The following FRYL variants were observed in gnomAD, a reference collection of about 807,000 sequenced individuals.
The protein encoded by FRYL is protein furry homolog-like.
FRYL carries 150 observed loss-of-function variants against 351.2 expected under a neutral mutation model. The ratio of observed to expected loss-of-function variants is 0.43; its 90% CI spans 0.37 to 0.49. The LOEUF (loss-of-function observed/expected upper bound fraction) is 0.49, where lower values mean the gene tolerates loss of function less well. Ranked by LOEUF, FRYL falls within the 20% of genes least tolerant of loss-of-function variation. The pLI is 0.00. For missense variants in FRYL, 3,036 were observed against 3,619.3 expected (o/e 0.84, Z 4.13); for synonymous variants, 1,153 against 1,257.1 (o/e 0.92, Z 1.75).
At chr4:48,771,175 G>GT (rs1388667333) in intron 1 of FRYL, among the ~76,000 whole-genome samples, 1 of 152,040 alleles carries the variant, frequency 6.6e-6, no homozygotes, top group Non-Finnish European at 1.5e-5. Flanking sequence ...ATGACAAACT[G>GT]TAACTAGTAT....
intron 47 of FRYL, among the ~76,000 whole-genome samples, chr4:48,537,723 G>A (rs1729200662): frequency 6.6e-6 from 1 of 152,100 alleles, no homozygotes. Flanking sequence ...AAGATATTTG[G>A]GAATTTCCAT....
chr4:48,774,712 A>AT (rs983683516), intron 1 of FRYL, among the ~76,000 whole-genome samples: 14 of 151,784 alleles, frequency 9.2e-5, no homozygotes, highest in Non-Finnish European at 1.6e-4. Context: ...CACCCGGCTA[A>AT]TTTTTTTGTA....
chr4:48,540,897 T>C lies in FRYL; in HGVS notation c.5751A>G (p.Gln1917=), dbSNP rs1392559292. 12 of 1,613,542 alleles carry C rather than the reference T, an allele frequency of 7.4e-6. No individual in the cohort carries two copies. The highest frequency in any genetic ancestry group is 3.3e-4 in the Middle Eastern group (2 of 6,044). The change falls in exon 46 of 64, where the codon CAA becomes CAG. Residue 1917 remains glutamine, a synonymous_variant. Transcript: ENST00000358350. Reference sequence around the variant, plus strand: ...TAATGGGACTTGTGCTTAGATTGAGTTGTCCAGTGCTTTTCCTGTTAGCTG... The same window carrying C: ...TAATGGGACTTGTGCTTAGATTGAGCTGTCCAGTGCTTTTCCTGTTAGCTG... The part of the protein sequence containing the change: ...KYAANRKSTG[Q]LNLSTSPINS...
Position 48,603,309 on chromosome 4 carries a change from G to T in FRYL, c.914C>A (p.Ser305Ter). Residue 305 changes from serine (S) to a stop codon, truncating the protein, a stop_gained, in exon 12 of 64, where the codon TCG (serine) becomes TAG (stop). Coordinates refer to ENST00000358350, the MANE Select transcript of FRYL (RefSeq NM_015030.2). LOFTEE classifies it high-confidence loss of function. Reference sequence around the variant, plus strand: ...TAATACCAATGAATGCTTCTTTCTCGAGCTCAGTTCAAAAGTAGTCTGATA... The same window carrying T: ...TAATACCAATGAATGCTTCTTTCTCTAGCTCAGTTCAAAAGTAGTCTGATA... ...MLYQTTFELS[S>*]RKKHSLALYP... 1 of 1,607,528 alleles carries T rather than the reference G, an allele frequency of 6.2e-7. No individual in the cohort carries two copies. Among genetic ancestry groups the T allele is most frequent in the South Asian group, 1.1e-5 (1 of 90,300 alleles).
chr4:48,629,340 A>G (rs1432860980), intron 4 of FRYL, among the ~76,000 whole-genome samples: 1 of 152,176 alleles, frequency 6.6e-6, no homozygotes, highest in Non-Finnish European at 1.5e-5. Context: ...TAAGGGCTAA[A>G]ACAAAAGAAC....
chr4:48,770,088 C>A (rs13119414), intron 1 of FRYL, among the ~76,000 whole-genome samples: 84,721 of 151,906 alleles, frequency 0.56, 24,272 homozygotes, highest in African/African-American at 0.69. Flanking sequence ...CATATACATA[C>A]AAATGAGCAC....
At chr4:48,580,105 G>C (rs1392616761) in intron 22 of FRYL, among the ~76,000 whole-genome samples, 3 of 151,808 alleles carry the variant, frequency 2.0e-5, no homozygotes, top group Non-Finnish European at 4.4e-5. Flanking sequence ...AATCTCTTAG[G>C]CTTATAAAAC....
In FRYL at chr4:48,609,733, A is replaced by T; in HGVS notation, c.491+11T>A. On this transcript the variant is annotated intron_variant, in intron 8 of 63. Transcript: ENST00000358350. ...AAAAAGGCAACAATCCCAAGTTAGT[A>T]TTTTACTTACCCTTCCTTATGTTTA... The T allele has an allele frequency of 7.1e-7, 1 of 1,406,844 alleles. No homozygotes were observed. The highest frequency in any genetic ancestry group is 9.9e-7 in the Non-Finnish European group (1 of 1,013,954). The allele number at this position is 1,406,844 out of a possible 1,614,324, so 87.1% of individuals were successfully genotyped here.
At chr4:48,745,384 A>G (rs959494304) in intron 1 of FRYL, among the ~76,000 whole-genome samples, 2 of 152,234 alleles carry the variant, frequency 1.3e-5, no homozygotes, top group Non-Finnish European at 2.9e-5. Flanking sequence ...CTGGATTAAG[A>G]AAATGTGGCA....
intron 3 of FRYL, among the ~76,000 whole-genome samples, chr4:48,661,473 A>G (rs768085377): frequency 2.0e-5 from 3 of 152,212 alleles, no homozygotes; most frequent in Admixed American, 2.0e-4. Context: ...AGAGGTCCCC[A>G]TTAAATACTG....
At chr4:48,571,035 G>C in intron 26 of FRYL, 117 bp from the exon 27 acceptor site, 3 of 694,146 alleles carry the variant, frequency 4.3e-6, no homozygotes, top group Non-Finnish European at 7.3e-6. Context: ...CTTGTACAGT[G>C]TAGACTGTGG....
At chr4:48,716,800 C>T (rs1186990738) in intron 1 of FRYL, among the ~76,000 whole-genome samples, 2 of 151,494 alleles carry the variant, frequency 1.3e-5, no homozygotes, top group Admixed American at 6.6e-5. Context: ...ATAAATCAAG[C>T]TGCTATGAAG....
At chr4:48,722,870 T>G (rs1230547849) in intron 1 of FRYL, among the ~76,000 whole-genome samples, 1 of 151,904 alleles carries the variant, frequency 6.6e-6, no homozygotes, top group African/African-American at 2.4e-5. Context: ...AGGAGAAAAA[T>G]AAAAGAAAAT....
chr4:48,505,119 CATT>C (rs999811069), intron 60 of FRYL, among the ~76,000 whole-genome samples: 5 of 152,164 alleles, frequency 3.3e-5, no homozygotes, highest in South Asian at 2.1e-4. Context: ...TAAAGAAAAA[CATT>C]ATAATTTATC....
At position 48,510,146 on chromosome 4, in the gene FRYL, A is replaced by G; in HGVS notation, c.8307T>C (p.Cys2769=). The G allele has an allele frequency of 1.2e-6, 2 of 1,611,796 alleles. No homozygotes were observed. Among genetic ancestry groups the G allele is most frequent in the South Asian group, 1.1e-5 (1 of 91,030 alleles). The change falls in exon 59 of 64, where the codon TGT becomes TGC. Residue 2769 remains cysteine (C), a synonymous_variant. Transcript: ENST00000358350. ...CAAACTTGAGTGTTTCCAGCAAACCACATGACATCAGCTGTCAAATCAGAA... is the reference window on the plus strand; with the variant it reads ...CAAACTTGAGTGTTTCCAGCAAACCGCATGACATCAGCTGTCAAATCAGAA... ...VFVDAETLMS[C]GLLETLKFGV...
At chr4:48,747,421 G>A (rs1772807948) in intron 1 of FRYL, among the ~76,000 whole-genome samples, 1 of 152,096 alleles carries the variant, frequency 6.6e-6, no homozygotes, top group South Asian at 2.1e-4. Flanking sequence ...AAGAAAGCAG[G>A]CATGATAGAA....
chr4:48,603,979 T>C (rs1746214058), intron 11 of FRYL, among the ~76,000 whole-genome samples: 1 of 152,208 alleles, frequency 6.6e-6, no homozygotes, highest in African/African-American at 2.4e-5. Context: ...TCTTCCCTAA[T>C]CATACTCTTT....
At chr4:48,755,044 T>C (rs1302848474) in intron 1 of FRYL, among the ~76,000 whole-genome samples, 1 of 152,082 alleles carries the variant, frequency 6.6e-6, no homozygotes, top group African/African-American at 2.4e-5. Flanking sequence ...AGACTAGCAC[T>C]CTCCCTCTTC....
chr4:48,742,669 T>TA (rs1454400527), intron 1 of FRYL, among the ~76,000 whole-genome samples: 2 of 152,068 alleles, frequency 1.3e-5, no homozygotes, highest in African/African-American at 4.8e-5. Context: ...CTGAACAAAA[T>TA]AAAGTGCTCT....
Sources: allele counts gnomAD v4.1 joint callset (sites outside exome capture counted in the v4.1 genomes callset), GRCh38; gene constraint gnomAD v4.1.1; transcripts MANE v1.5; gene names NCBI Gene and HGNC (gene_info 2026-07-23, HGNC 2026-07-21).